SAMD5: variants seen among roughly 807,000 people sequenced by gnomAD.
SAMD5 encodes the protein sterile alpha motif domain containing 5, also known as sterile alpha motif domain-containing protein 5.
SAMD5 carries 13 observed loss-of-function variants against 11.3 expected under a neutral mutation model. That is an observed-to-expected ratio of 1.15 (90% CI 0.75 to 1.83). The LOEUF is 1.83. Among genes scored for constraint, SAMD5 ranks in the 40% most tolerant of loss-of-function variants. SAMD5 has a pLI of 0.00. For synonymous variants in SAMD5, 129 were observed against 111.3 expected (o/e 1.16, Z -1.00); for missense variants, 255 against 239.1 (o/e 1.07, Z -0.44).
chr6:147,574,731 G>C (rs1007393357), downstream of SAMD5, among the ~76,000 whole-genome samples: 6 of 152,156 alleles, frequency 3.9e-5, no homozygotes, highest in Non-Finnish European at 8.8e-5. Context: ...ATAGCAGAAG[G>C]CAGAAGGGTA....
the SAMD5 span, among the ~76,000 whole-genome samples, chr6:147,924,506 A>T: frequency 6.6e-6 from 1 of 152,084 alleles, no homozygotes; most frequent in African/African-American, 2.4e-5. Flanking sequence ...TGATCTGAAA[A>T]TTTTAAATTT....
At chr6:147,782,392 A>G in the SAMD5 span, among the ~76,000 whole-genome samples, 1 of 152,222 alleles carries the variant, frequency 6.6e-6, no homozygotes, top group Non-Finnish European at 1.5e-5. Flanking sequence ...ACACAATGGC[A>G]GCTTGACAGA....
At chr6:147,889,532 T>C in the SAMD5 span, among the ~76,000 whole-genome samples, 1 of 152,252 alleles carries the variant, frequency 6.6e-6, no homozygotes, top group African/African-American at 2.4e-5. Flanking sequence ...TATTAGATGC[T>C]AGACAATTTG....
At chr6:147,921,276 C>A in the SAMD5 span, among the ~76,000 whole-genome samples, 1 of 115,994 alleles carries the variant, frequency 8.6e-6, no homozygotes, top group Non-Finnish European at 1.8e-5. Flanking sequence ...GAGTATAAAA[C>A]ACACACACAC....
intron 1 of SAMD5, among the ~76,000 whole-genome samples, chr6:147,718,633 G>T (rs1441054644): frequency 6.6e-6 from 1 of 152,182 alleles, no homozygotes; most frequent in African/African-American, 2.4e-5. Context: ...TTTTGGTGTG[G>T]CATTGGTGCT....
the SAMD5 span, among the ~76,000 whole-genome samples, chr6:147,754,641 C>T: frequency 1.1e-4 from 17 of 152,040 alleles, no homozygotes; most frequent in African/African-American, 4.1e-4. Context: ...TTGACCAGAC[C>T]AATGTCCTGG....
At chr6:147,872,176 G>A in the SAMD5 span, among the ~76,000 whole-genome samples, 2 of 152,128 alleles carry the variant, frequency 1.3e-5, no homozygotes, top group Non-Finnish European at 2.9e-5. Flanking sequence ...CACAATCACA[G>A]CTCACTGTAA....
intron 1 of SAMD5, among the ~76,000 whole-genome samples, chr6:147,665,014 A>C (rs188134282): frequency 6.6e-6 from 1 of 152,238 alleles, no homozygotes; most frequent in African/African-American, 2.4e-5. Flanking sequence ...CAAGTGGGGA[A>C]TCATTCAACC....
At chr6:147,806,888 C>A in the SAMD5 span, among the ~76,000 whole-genome samples, 1 of 152,002 alleles carries the variant, frequency 6.6e-6, no homozygotes, top group Non-Finnish European at 1.5e-5. Flanking sequence ...GGATTAGTGG[C>A]CTTGTAAGAG....
chr6:147,526,767 G>T (rs1158889004), intron 1 of SAMD5, among the ~76,000 whole-genome samples: 1 of 152,228 alleles, frequency 6.6e-6, no homozygotes, highest in Non-Finnish European at 1.5e-5. Flanking sequence ...AGTGACAAAA[G>T]TGCGAGGTTT....
chr6:147,714,180 T>C (rs1177305667), intron 1 of SAMD5, among the ~76,000 whole-genome samples: 1 of 152,200 alleles, frequency 6.6e-6, no homozygotes, highest in Non-Finnish European at 1.5e-5. Flanking sequence ...TTGACAGATA[T>C]GGAAGTCAGA....
At chr6:147,618,578 C>G (rs1183579562) in intron 1 of SAMD5, among the ~76,000 whole-genome samples, 1 of 152,166 alleles carries the variant, frequency 6.6e-6, no homozygotes, top group Non-Finnish European at 1.5e-5. Flanking sequence ...AGATCAGAAA[C>G]GCAGGGTGAC....
chr6:147,609,127 C>T lies in SAMD5; in HGVS notation c.162+99740C>T, dbSNP rs1374541608. ...CACCCCTAATTCATATGCTGAAGTCCTAACCCTCAGTACCTCCAAATATGT... is the reference window on the plus strand; with the variant it reads ...CACCCCTAATTCATATGCTGAAGTCTTAACCCTCAGTACCTCCAAATATGT... On this transcript the variant is annotated intron_variant, in intron 1 of 1. Coordinates refer to the SAMD5 transcript ENST00000566741. Among the ~76,000 whole-genome samples the T allele has an allele frequency of 2.6e-5, 4 of 152,080 alleles. No individual in the cohort carries two copies. The East Asian group carries it at 7.7e-4, about 29-fold the overall frequency.
chr6:147,756,795 C>A, the SAMD5 span, among the ~76,000 whole-genome samples: 1 of 152,208 alleles, frequency 6.6e-6, no homozygotes. Context: ...AATGTTTTCA[C>A]CATTTTTATG....
At chr6:147,541,230 G>A (rs115288359) in intron 1 of SAMD5, among the ~76,000 whole-genome samples, 7,988 of 152,114 alleles carry the variant, frequency 0.053, 399 homozygotes, top group African/African-American at 0.13. Flanking sequence ...GATTACAGGC[G>A]TAAGCCACGA....
intron 1 of SAMD5, among the ~76,000 whole-genome samples, chr6:147,526,987 C>G (rs1788352728): frequency 6.6e-6 from 1 of 152,172 alleles, no homozygotes; most frequent in African/African-American, 2.4e-5. Flanking sequence ...TTTTGGATTT[C>G]TTTCCCATTC....
chr6:147,885,025 C>A, the SAMD5 span, among the ~76,000 whole-genome samples: 2 of 152,058 alleles, frequency 1.3e-5, no homozygotes, highest in Non-Finnish European at 2.9e-5. Context: ...CTTTGAATAG[C>A]CTTTTAAAAA....
the SAMD5 span, among the ~76,000 whole-genome samples, chr6:147,873,235 G>T: frequency 6.6e-6 from 1 of 151,878 alleles, no homozygotes; most frequent in Non-Finnish European, 1.5e-5. Context: ...AAATTAGCTG[G>T]GCGTGGTGGT....
the SAMD5 span, among the ~76,000 whole-genome samples, chr6:147,916,696 T>C: frequency 4.9e-5 from 7 of 143,692 alleles, no homozygotes; most frequent in Non-Finnish European, 1.1e-4. Context: ...CCTAAAGCTA[T>C]CCCTCCTCCC....
Sources: allele counts gnomAD v4.1 joint callset (sites outside exome capture counted in the v4.1 genomes callset), GRCh38; gene constraint gnomAD v4.1.1; transcripts MANE v1.5; gene names NCBI Gene and HGNC (gene_info 2026-07-23, HGNC 2026-07-21).